RANBP2: variants seen among roughly 807,000 people sequenced by gnomAD.
The protein encoded by RANBP2 is RAN binding protein 2, also known as E3 SUMO-protein ligase RanBP2.
RANBP2 carries 57 observed loss-of-function variants against 303.6 expected under a neutral mutation model. That is an observed-to-expected ratio of 0.19 (90% confidence interval 0.15 to 0.23). The LOEUF is 0.23. Ranked by LOEUF, RANBP2 falls within the 10% of genes least tolerant of loss-of-function variation. RANBP2 has a pLI of 1.00. For synonymous variants in RANBP2, 1,167 were observed against 1,301.5 expected, an observed-to-expected ratio of 0.90 and a Z score of 2.23; for missense variants, 3,138 against 3,780.8, an observed-to-expected ratio of 0.83 and a Z score of 4.46.
At chr2:109,334,031 C>A in the RANBP2 span, among the ~76,000 whole-genome samples, 2 of 152,126 alleles carry the variant, frequency 1.3e-5, no homozygotes, top group Non-Finnish European at 2.9e-5. Flanking sequence ...AAAGTCCAGT[C>A]GCTTCCTCAA....
At chr2:109,694,037 CT>C in the RANBP2 span, among the ~76,000 whole-genome samples, 1 of 152,164 alleles carries the variant, frequency 6.6e-6, no homozygotes, top group Non-Finnish European at 1.5e-5. Context: ...ATGTGTGTGT[CT>C]ACAAACATTG....
rs1470243501 is a variant in RANBP2, at chr2:108,729,131, G to C, written c.73-1G>C. The C allele has an allele frequency of 1.3e-6, 2 of 1,569,306 alleles. No homozygotes were observed. Among genetic ancestry groups the C allele is most frequent in the South Asian group, 1.1e-5 (1 of 88,764 alleles). Reference sequence around the variant, plus strand: ...GTAAAACAACTTTTAATTTTTTTTAGAAGTCAATGAAAGGATTCTATTTTG... The same window carrying C: ...GTAAAACAACTTTTAATTTTTTTTACAAGTCAATGAAAGGATTCTATTTTG... On this transcript the variant is annotated splice_acceptor_variant, in intron 1 of 28. Transcript: ENST00000283195. LOFTEE classifies it high-confidence loss of function.
intron 20 of RANBP2, 103 bp from the exon 21 acceptor site, chr2:108,771,598 G>C (rs1677497727): frequency 6.4e-7 from 1 of 1,557,656 alleles, no homozygotes; most frequent in Non-Finnish European, 8.6e-7. Flanking sequence ...TCAGTATGCT[G>C]TTTTAACCTA....
the RANBP2 span, among the ~76,000 whole-genome samples, chr2:108,808,590 T>C: frequency 6.6e-6 from 1 of 152,222 alleles, no homozygotes; most frequent in East Asian, 1.9e-4. Context: ...TGGTTTCGAT[T>C]TGCATTAACC....
chr2:108,753,749 A>G, intron 14 of RANBP2, 76 bp from the exon 15 acceptor site: 1 of 1,610,034 alleles, frequency 6.2e-7, no homozygotes, highest in Non-Finnish European at 8.5e-7. Flanking sequence ...TACAGGCATG[A>G]GCCACCATGC....
the RANBP2 span, chr2:109,128,566 C>G: frequency 1.3e-5 from 2 of 152,652 alleles, no homozygotes; most frequent in African/African-American, 4.8e-5. Context: ...CGCATCCCCA[C>G]ACCTACACCG....
the RANBP2 span, among the ~76,000 whole-genome samples, chr2:109,316,084 A>G: frequency 6.6e-6 from 1 of 152,222 alleles, no homozygotes; most frequent in Non-Finnish European, 1.5e-5. Flanking sequence ...GTGCATTTCC[A>G]GTATGCAATT....
chr2:109,038,665 T>C, the RANBP2 span, among the ~76,000 whole-genome samples: 3 of 152,108 alleles, frequency 2.0e-5, no homozygotes, highest in South Asian at 6.2e-4. Flanking sequence ...AATAAAGAAC[T>C]TTCGAAATTC....
At chr2:109,005,471 C>T in the RANBP2 span, among the ~76,000 whole-genome samples, 1 of 152,192 alleles carries the variant, frequency 6.6e-6, no homozygotes, top group Non-Finnish European at 1.5e-5. Context: ...GACCTCCCAT[C>T]CTTCTGCCTG....
chr2:108,804,780 G>C, the RANBP2 span: 5 of 1,083,678 alleles, frequency 4.6e-6, no homozygotes, highest in Middle Eastern at 7.7e-4. Context: ...ACTGATTAAA[G>C]TTTTTGTGAT....
chr2:108,752,918 G>T, intron 12 of RANBP2, 80 bp from the exon 13 acceptor site: 2 of 1,607,240 alleles, frequency 1.2e-6, no homozygotes, highest in Non-Finnish European at 1.7e-6. Flanking sequence ...ATTTTAGCCA[G>T]TTCTTTCAAC....
the RANBP2 span, among the ~76,000 whole-genome samples, chr2:109,145,060 A>G: frequency 2.0e-5 from 3 of 152,222 alleles, no homozygotes; most frequent in African/African-American, 7.2e-5. Flanking sequence ...GCTCGTAAGC[A>G]GAGTGTTAAG....
chr2:109,614,376 T>G, the RANBP2 span: 12 of 872,618 alleles, frequency 1.4e-5, no homozygotes, highest in African/African-American at 3.5e-5. Flanking sequence ...ACGCGTAGGC[T>G]GGCAGCCCGC....
chr2:109,347,990 C>T, the RANBP2 span: 22 of 1,558,414 alleles, frequency 1.4e-5, no homozygotes, highest in East Asian at 5.0e-4. Flanking sequence ...GCCCATGCAG[C>T]CTCTGTGCCA....
chr2:109,201,178 C>G, the RANBP2 span, among the ~76,000 whole-genome samples: 1 of 152,260 alleles, frequency 6.6e-6, no homozygotes, highest in African/African-American at 2.4e-5. Flanking sequence ...CTCTGCATGG[C>G]TGCAAGATGC....
the RANBP2 span, among the ~76,000 whole-genome samples, chr2:109,524,605 A>T: frequency 7.9e-5 from 12 of 151,990 alleles, no homozygotes; most frequent in African/African-American, 2.9e-4. Flanking sequence ...AAAAATACAG[A>T]AATTAGCCAG....
chr2:108,876,044 C>G, the RANBP2 span: 1 of 1,312,850 alleles, frequency 7.6e-7, no homozygotes, highest in Non-Finnish European at 1.1e-6. Flanking sequence ...CAGATAAACT[C>G]TCTAAGTATG....
intron 6 of RANBP2, among the ~76,000 whole-genome samples, chr2:108,736,606 C>G (rs1027178347): frequency 2.3e-4 from 35 of 152,184 alleles, no homozygotes; most frequent in African/African-American, 8.2e-4. Flanking sequence ...TAAAGTTCAT[C>G]TGTCATCAGA....
At chr2:109,284,453 A>G in the RANBP2 span, among the ~76,000 whole-genome samples, 2 of 152,126 alleles carry the variant, frequency 1.3e-5, no homozygotes, top group African/African-American at 4.8e-5. Flanking sequence ...GTGGACTGGG[A>G]GGCAGGCATG....
Sources: gnomAD v4.1 joint callset for allele counts (sites outside exome capture counted in the v4.1 genomes callset) on GRCh38, gnomAD v4.1.1 for gene constraint, MANE v1.5 for transcripts, NCBI Gene and HGNC (gene_info 2026-07-23, HGNC 2026-07-21) for gene names.